The following HCN1 variants were observed in gnomAD, a reference collection of about 807,000 sequenced individuals.
HCN1 encodes hyperpolarization activated cyclic nucleotide gated potassium channel 1.
In HCN1, 13 loss-of-function variants were observed where a neutral mutation model predicts 78.9. That is an observed-to-expected ratio of 0.16 (90% CI 0.11 to 0.26). The LOEUF (loss-of-function observed/expected upper bound fraction) is 0.26, where lower values mean the gene tolerates loss of function less well. Among genes scored for constraint, HCN1 ranks in the 10% least tolerant of loss-of-function variants. HCN1 has a pLI of 1.00. For synonymous variants in HCN1, 552 were observed against 455.5 expected, an observed-to-expected ratio of 1.21 and a Z score of -2.70; for missense variants, 810 against 1,154.3, an observed-to-expected ratio of 0.70 and a Z score of 4.32.
At chr5:45,585,952 A>T (rs1192867374) in intron 2 of HCN1, among the ~76,000 whole-genome samples, 1 of 152,130 alleles carries the variant, frequency 6.6e-6, no homozygotes, top group East Asian at 1.9e-4. Flanking sequence ...GGTGCCTCCC[A>T]GTTAGGCTAC....
intron 3 of HCN1, among the ~76,000 whole-genome samples, chr5:45,444,059 A>C (rs1300221236): frequency 1.3e-5 from 2 of 152,162 alleles, no homozygotes; most frequent in Non-Finnish European, 2.9e-5. Context: ...TGCATAATTT[A>C]AAAGATTAAC....
At chr5:45,659,541 A>T (rs1275307907) in intron 1 of HCN1, among the ~76,000 whole-genome samples, 2 of 141,448 alleles carry the variant, frequency 1.4e-5, no homozygotes, top group Non-Finnish European at 3.0e-5. Context: ...AAGGCAAAGA[A>T]GTTGAAAACT....
intron 2 of HCN1, among the ~76,000 whole-genome samples, chr5:45,505,872 A>G (rs1214990801): frequency 1.3e-5 from 2 of 152,024 alleles, no homozygotes; most frequent in Non-Finnish European, 2.9e-5. Context: ...GTCTAATATG[A>G]CTCTGGACAC....
chr5:45,564,270 T>A (rs1375772047), intron 2 of HCN1, among the ~76,000 whole-genome samples: 1 of 152,076 alleles, frequency 6.6e-6, no homozygotes, highest in African/African-American at 2.4e-5. Flanking sequence ...GAAGCTTTTT[T>A]TTTTTTTTGA....
Position 45,515,874 on chromosome 5 carries a change from A to G in HCN1, c.850-53867T>C, listed in dbSNP as rs1000525996. On this transcript the variant is annotated intron_variant, in intron 2 of 7. Transcript: ENST00000303230. The stretch of plus-strand genomic sequence containing the variant: ...TATCCCACAGGATAAAATAAAATAT[A>G]AACCCATCAAAATGCTGTATTAAAT... Among the ~76,000 whole-genome samples, 5 of 151,980 alleles carry G rather than the reference A, an allele frequency of 3.3e-5. No individual in the cohort carries two copies. In the East Asian group the frequency reaches 7.7e-4, roughly 23 times the overall value.
intron 6 of HCN1, among the ~76,000 whole-genome samples, chr5:45,303,133 T>C (rs1745660085): frequency 6.6e-6 from 1 of 152,132 alleles, no homozygotes. Context: ...GGCAATCATA[T>C]GTGAATAGCA....
intron 3 of HCN1, among the ~76,000 whole-genome samples, chr5:45,459,791 G>T (rs1741108836): frequency 6.6e-6 from 1 of 152,108 alleles, no homozygotes; most frequent in Non-Finnish European, 1.5e-5. Flanking sequence ...TGGTGCCAAT[G>T]AATCATCTTT....
rs1744708565 is a variant in HCN1, at chr5:45,260,419, C to G, written c.*1502G>C. 6.6e-6 allele frequency: 1 copy of G among 152,200 alleles called. No homozygotes were observed. The highest frequency in any genetic ancestry group is 1.5e-5 in the Non-Finnish European group (1 of 68,030). 9.4% of individuals were successfully genotyped at this position (152,200 alleles called of 1,614,324 possible). ...TCATGTAAAGAGTTAAGAAAACAGACAGACAATGCTCATAGACGTTCAACT... is the reference window on the plus strand; with the variant it reads ...TCATGTAAAGAGTTAAGAAAACAGAGAGACAATGCTCATAGACGTTCAACT... On this transcript the variant is annotated 3_prime_UTR_variant, in exon 8 of 8. Transcript: ENST00000303230.
At chr5:45,552,085 G>C (rs1743381239) in intron 2 of HCN1, among the ~76,000 whole-genome samples, 1 of 151,870 alleles carries the variant, frequency 6.6e-6, no homozygotes, top group Admixed American at 6.6e-5. Flanking sequence ...TCATGAAGGA[G>C]ATAGTGGTTA....
At chr5:45,424,009 C>A (rs539383181) in intron 3 of HCN1, among the ~76,000 whole-genome samples, 1 of 151,294 alleles carries the variant, frequency 6.6e-6, no homozygotes, top group Admixed American at 6.6e-5. Flanking sequence ...GGCACGGTGG[C>A]TCATGCCTGT....
chr5:45,263,526 T>C (rs6885653), intron 7 of HCN1, among the ~76,000 whole-genome samples: 1 of 152,184 alleles, frequency 6.6e-6, no homozygotes, highest in Non-Finnish European at 1.5e-5. Context: ...AGATGTTGCA[T>C]TTTACTAAGA....
chr5:45,379,895 G>A (rs768061404), intron 4 of HCN1, among the ~76,000 whole-genome samples: 10 of 151,996 alleles, frequency 6.6e-5, no homozygotes, highest in Non-Finnish European at 4.4e-5. Flanking sequence ...AAAAGTTCGA[G>A]AAATGGATAG....
chr5:45,294,924 C>G (rs1330481026), intron 6 of HCN1, among the ~76,000 whole-genome samples: 1 of 152,086 alleles, frequency 6.6e-6, no homozygotes, highest in Non-Finnish European at 1.5e-5. Context: ...TCTCCCTTCT[C>G]AAGTCCATGG....
chr5:45,374,140 C>CATAATATATATAATAT (rs1165210716), intron 4 of HCN1, among the ~76,000 whole-genome samples: 3 of 96,208 alleles, frequency 3.1e-5, no homozygotes, highest in African/African-American at 1.2e-4. Context: ...ATATTATATA[C>CATAATATATATAATAT]ATATTATATA....
At chr5:45,426,183 C>T (rs749297191) in intron 3 of HCN1, among the ~76,000 whole-genome samples, 27 of 152,232 alleles carry the variant, frequency 1.8e-4, no homozygotes, top group Non-Finnish European at 2.5e-4. Context: ...GTGATTCTTA[C>T]GTTGCAATAT....
intron 3 of HCN1, among the ~76,000 whole-genome samples, chr5:45,435,322 A>G (rs1365328234): frequency 6.6e-6 from 1 of 152,138 alleles, no homozygotes; most frequent in African/African-American, 2.4e-5. Context: ...AGAATTAGTA[A>G]ATAAAATGCA....
chr5:45,630,905 A>G (rs1237210662), intron 2 of HCN1, among the ~76,000 whole-genome samples: 1 of 152,144 alleles, frequency 6.6e-6, no homozygotes, highest in Non-Finnish European at 1.5e-5. Context: ...GTTGTAATGT[A>G]TATGCATAGC....
At chr5:45,537,223 C>T (rs1467685147) in intron 2 of HCN1, among the ~76,000 whole-genome samples, 1 of 152,106 alleles carries the variant, frequency 6.6e-6, no homozygotes, top group Non-Finnish European at 1.5e-5. Context: ...TCCAGTAAAT[C>T]TTATCTCTGA....
In HCN1 at chr5:45,255,593, T is replaced by C; in HGVS notation, c.*6328A>G. The C allele has an allele frequency of 6.6e-6, 1 of 152,224 alleles. No homozygotes were observed. Among genetic ancestry groups the C allele is most frequent in the Non-Finnish European group, 1.5e-5 (1 of 68,034 alleles). 9.4% of individuals were successfully genotyped at this position (152,224 alleles called of 1,614,324 possible). A position where few individuals can be genotyped will look rare whatever the true frequency, so the allele number is the denominator to read the frequency against. On this transcript the variant is annotated 3_prime_UTR_variant, in exon 8 of 8. Transcript: ENST00000303230. Reference sequence around the variant, plus strand: ...CATTTTAAACAGAATTGTAATATGTTAGGTTGGTAATAGATGTTAGAAGAG... The same window carrying C: ...CATTTTAAACAGAATTGTAATATGTCAGGTTGGTAATAGATGTTAGAAGAG...
Sources: allele counts gnomAD v4.1 joint callset (sites outside exome capture counted in the v4.1 genomes callset), GRCh38; gene constraint gnomAD v4.1.1; transcripts MANE v1.5; gene names NCBI Gene and HGNC (gene_info 2026-07-23, HGNC 2026-07-21).